The following KCTD1 variants were observed in gnomAD, a reference collection of about 807,000 sequenced individuals.
KCTD1 encodes potassium channel tetramerization domain containing 1, also known as BTB/POZ domain-containing protein KCTD1.
KCTD1 carries 24 observed loss-of-function variants against 66.0 expected under a neutral mutation model. That is an observed-to-expected ratio of 0.36 (90% CI 0.26 to 0.51). The LOEUF (loss-of-function observed/expected upper bound fraction) is 0.51. Among genes scored for constraint, KCTD1 ranks in the 20% least tolerant of loss-of-function variants. The pLI is 0.95. For synonymous variants in KCTD1, 511 were observed against 517.2 expected (o/e 0.99, Z 0.16); for missense variants, 943 against 1,205.2 (o/e 0.78, Z 3.22).
intron 1 of KCTD1, among the ~76,000 whole-genome samples, chr18:26,523,738 T>C (rs938231431): frequency 3.9e-5 from 6 of 152,280 alleles, no homozygotes; most frequent in African/African-American, 1.4e-4. Flanking sequence ...ACACAGTTTT[T>C]GAGTCTGGAA....
At chr18:26,600,396 ATCCCACCACGGTGTCTCC>A in intron 1 of KCTD1, 1 of 906,724 alleles carries the variant, frequency 1.1e-6, no homozygotes, top group East Asian at 2.5e-5. Context: ...TGTCCCTCAA[ATCCCACCACGGTGTCTCC>A]TCCCACCTCC....
intron 1 of KCTD1, among the ~76,000 whole-genome samples, chr18:26,525,600 T>C (rs1984119117): frequency 6.6e-6 from 1 of 152,194 alleles, no homozygotes. Flanking sequence ...GGCAATTTCT[T>C]TCCCAAAGCC....
At chr18:26,605,608 C>A (rs1012484324) in intron 1 of KCTD1, among the ~76,000 whole-genome samples, 1 of 151,980 alleles carries the variant, frequency 6.6e-6, no homozygotes, top group East Asian at 1.9e-4. Flanking sequence ...GGCCCTAGAC[C>A]ACTGTTATAG....
chr18:26,648,195 C>A (rs1211250176), intron 1 of KCTD1, among the ~76,000 whole-genome samples: 1 of 152,154 alleles, frequency 6.6e-6, no homozygotes, highest in African/African-American at 2.4e-5. Flanking sequence ...GATGGTGACT[C>A]TTAGGAGGAG....
chr18:26,527,495 G>GGC (rs796713589), intron 1 of KCTD1, among the ~76,000 whole-genome samples: 2 of 149,348 alleles, frequency 1.3e-5, no homozygotes, highest in African/African-American at 4.9e-5. Flanking sequence ...AAAAAAAAGG[G>GGC]GGGGGGGCGT....
At chr18:26,518,406 C>T (rs1983764225) in intron 1 of KCTD1, among the ~76,000 whole-genome samples, 1 of 152,020 alleles carries the variant, frequency 6.6e-6, no homozygotes, top group Non-Finnish European at 1.5e-5. Context: ...AGCTGGACTA[C>T]AGGTGCGCAC....
At chr18:26,548,810 C>T (rs566151482), upstream of KCTD1, 6 of 1,091,590 alleles carry the variant, frequency 5.5e-6, no homozygotes, top group Middle Eastern at 4.0e-4. Context: ...ACCCGGCTCC[C>T]ACTTCTAAGA....
At chr18:26,526,599 A>G (rs1364005544) in intron 1 of KCTD1, among the ~76,000 whole-genome samples, 1 of 152,198 alleles carries the variant, frequency 6.6e-6, no homozygotes, top group African/African-American at 2.4e-5. Context: ...AATATGGCAA[A>G]ATCAGAAAGA....
upstream of KCTD1, among the ~76,000 whole-genome samples, chr18:26,552,309 G>A (rs892311881): frequency 2.6e-5 from 4 of 152,158 alleles, no homozygotes; most frequent in African/African-American, 9.7e-5. Context: ...AGTTTTCTGA[G>A]TATCATCTGT....
At chr18:26,473,539 G>A (rs1981182087) in intron 3 of KCTD1, among the ~76,000 whole-genome samples, 1 of 150,682 alleles carries the variant, frequency 6.6e-6, no homozygotes, top group South Asian at 2.1e-4. Flanking sequence ...TGCACATCCT[G>A]CACATGCACC....
At chr18:26,465,359 C>T (rs1220037368) in intron 3 of KCTD1, among the ~76,000 whole-genome samples, 2 of 152,228 alleles carry the variant, frequency 1.3e-5, no homozygotes, top group South Asian at 2.1e-4. Context: ...GCTGGGATTA[C>T]AGGTGTCAGC....
At chr18:26,636,154 G>A (rs1339411337) in intron 1 of KCTD1, among the ~76,000 whole-genome samples, 1 of 152,130 alleles carries the variant, frequency 6.6e-6, no homozygotes, top group East Asian at 1.9e-4. Flanking sequence ...GAAGATTAAA[G>A]TGGGCTAGGA....
chr18:26,617,700 G>A (rs1168402883), intron 1 of KCTD1, among the ~76,000 whole-genome samples: 1 of 152,164 alleles, frequency 6.6e-6, no homozygotes, highest in Non-Finnish European at 1.5e-5. Context: ...TCTCCCATAT[G>A]TTGGTTATAA....
chr18:26,629,286 T>C, upstream of KCTD1: 1 of 821,602 alleles, frequency 1.2e-6, no homozygotes, highest in Non-Finnish European at 1.5e-6. Context: ...GACCTTAGCC[T>C]CTGCCCTGCA....
At chr18:26,604,353 A>T (rs1986964983) in intron 1 of KCTD1, among the ~76,000 whole-genome samples, 1 of 152,246 alleles carries the variant, frequency 6.6e-6, no homozygotes, top group Non-Finnish European at 1.5e-5. Context: ...CAGTATGGCA[A>T]CTTCTCAAAG....
intron 1 of KCTD1, among the ~76,000 whole-genome samples, chr18:26,609,884 G>T (rs1987096175): frequency 6.6e-6 from 1 of 152,172 alleles, no homozygotes; most frequent in South Asian, 2.1e-4. Flanking sequence ...CTAAATTTCT[G>T]CCATAAAACA....
intron 3 of KCTD1, among the ~76,000 whole-genome samples, chr18:26,463,273 T>C (rs950922245): frequency 3.3e-5 from 5 of 152,120 alleles, no homozygotes; most frequent in African/African-American, 7.2e-5. Flanking sequence ...CTGGGCAACG[T>C]AGGGAGACCC....
At chr18:26,460,042 G>A (rs1980334477) in intron 3 of KCTD1, 117 bp from the exon 4 acceptor site, 1 of 759,774 alleles carries the variant, frequency 1.3e-6, no homozygotes, top group African/African-American at 1.7e-5. Context: ...AAATCTGCAT[G>A]TGCGTTTTTC....
intron 1 of KCTD1, among the ~76,000 whole-genome samples, chr18:26,582,105 CAAAAA>C (rs34695011): frequency 7.4e-6 from 1 of 134,800 alleles, no homozygotes. Context: ...CTGTCTCTAC[CAAAAA>C]AAAAAAAAAA....
Sources: allele counts gnomAD v4.1 joint callset (sites outside exome capture counted in the v4.1 genomes callset), GRCh38; gene constraint gnomAD v4.1.1; transcripts MANE v1.5; gene names NCBI Gene and HGNC (gene_info 2026-07-23, HGNC 2026-07-21).